Variants in HIBADH observed in about 807,000 individuals in gnomAD.
HIBADH encodes 3-hydroxyisobutyrate dehydrogenase, mitochondrial.
In HIBADH, 25 loss-of-function variants were observed where a neutral mutation model predicts 36.1. The ratio of observed to expected loss-of-function variants is 0.69; its 90% CI spans 0.50 to 0.97. The LOEUF (loss-of-function observed/expected upper bound fraction) is 0.97. Ranked by LOEUF, HIBADH falls within the 50% of genes least tolerant of loss-of-function variation. The pLI is 0.00. For missense variants in HIBADH, 421 were observed against 418.0 expected (o/e 1.01, Z -0.06); for synonymous variants, 160 against 149.5 (o/e 1.07, Z -0.51).
chr7:27,629,496 A>AGG lies in HIBADH; in HGVS notation c.363-5_363-4insCC. 2 of 1,550,142 alleles carry AGG rather than the reference A, an allele frequency of 1.3e-6. No individual in the cohort carries two copies. The highest frequency in any genetic ancestry group is 2.5e-5 in the South Asian group (2 of 79,090). ...TAATGAGCCCTTCTTCACTTTTCTAAGTAAATAAATAAAAATATTTGTAGT... is the reference window on the plus strand; with the variant it reads ...TAATGAGCCCTTCTTCACTTTTCTAAGGGTAAATAAATAAAAATATTTGTAGT... On this transcript the variant is annotated splice_region_variant and splice_polypyrimidine_tract_variant and intron_variant, in intron 3 of 7. Coordinates refer to ENST00000265395, the MANE Select transcript of HIBADH (RefSeq NM_152740.4).
intron 4 of HIBADH, among the ~76,000 whole-genome samples, chr7:27,613,664 T>G (rs1033538463): frequency 8.1e-4 from 54 of 66,374 alleles, no homozygotes; most frequent in Admixed American, 3.2e-3. Flanking sequence ...GGGTTTTTTT[T>G]GTTTTTTTTT....
chr7:27,573,114 G>A (rs975188100), intron 4 of HIBADH, among the ~76,000 whole-genome samples: 1 of 152,154 alleles, frequency 6.6e-6, no homozygotes, highest in Non-Finnish European at 1.5e-5. Context: ...GAAAAAAGTA[G>A]GGAATTTGTG....
chr7:27,531,818 T>C (rs1784007171), intron 6 of HIBADH, among the ~76,000 whole-genome samples: 1 of 152,190 alleles, frequency 6.6e-6, no homozygotes, highest in Admixed American at 6.6e-5. Context: ...TGCATTTATA[T>C]GTATGTTTAT....
intron 1 of HIBADH, among the ~76,000 whole-genome samples, chr7:27,658,847 T>C (rs565161678): frequency 3.3e-5 from 5 of 152,324 alleles, no homozygotes; most frequent in African/African-American, 1.2e-4. Flanking sequence ...TGCTTTACTA[T>C]TAACAGTTAC....
In HIBADH at chr7:27,527,677, A is replaced by G. The variant is rs116111039; in HGVS notation, c.853-1305T>C. ...TGTGCCCAGTTCATGCAGCTGTCAC[A>G]TTTTGGTAATTCTCACAATATTTCA... On this transcript the variant is annotated intron_variant, in intron 7 of 7. Coordinates refer to ENST00000265395, the MANE Select transcript of HIBADH (RefSeq NM_152740.4). Among the ~76,000 whole-genome samples, 369 of 152,026 alleles carry G rather than the reference A, an allele frequency of 2.4e-3. 1 individual carries two copies. The highest frequency in any genetic ancestry group is 5.9e-3 in the African/African-American group (244 of 41,466).
chr7:27,589,582 T>C (rs723700), intron 4 of HIBADH, among the ~76,000 whole-genome samples: 70,613 of 152,020 alleles, frequency 0.46, 17,533 homozygotes, highest in East Asian at 0.94. Context: ...GGCACAGAGA[T>C]ATTAAATAAC....
Position 27,526,294 on chromosome 7 carries a change from T to C in HIBADH, c.931A>G (p.Arg311Gly). ...LLGSLAHQIY[R>G]MMCAKGYSKK... ...GAGTAGCCCTTTGCACACATCATCCTGTAGATCTGATGGGCCAGACTGCCA... is the reference window on the plus strand; with the variant it reads ...GAGTAGCCCTTTGCACACATCATCCCGTAGATCTGATGGGCCAGACTGCCA... The change falls in exon 8 of 8, where the codon AGG (arginine) becomes GGG (glycine). Residue 311 changes from arginine (R) to glycine (G), a missense_variant. Transcript: ENST00000265395. 6.2e-7 allele frequency: 1 copy of C among 1,613,800 alleles called. No individual in the cohort carries two copies. The highest frequency in any genetic ancestry group is 8.5e-7 in the Non-Finnish European group (1 of 1,179,840).
intron 1 of HIBADH, among the ~76,000 whole-genome samples, chr7:27,652,999 T>C (rs1460358791): frequency 1.3e-5 from 2 of 152,062 alleles, no homozygotes; most frequent in African/African-American, 2.4e-5. Context: ...CATGGTGGCA[T>C]GTGCTTGTAA....
At chr7:27,560,224 C>T (rs1369805704) in intron 4 of HIBADH, among the ~76,000 whole-genome samples, 3 of 152,164 alleles carry the variant, frequency 2.0e-5, no homozygotes, top group African/African-American at 4.8e-5. Context: ...TAGGTTCAAG[C>T]GATTCTCCTG....
chr7:27,564,539 A>G (rs1387057109), intron 4 of HIBADH, among the ~76,000 whole-genome samples: 1 of 152,226 alleles, frequency 6.6e-6, no homozygotes, highest in Non-Finnish European at 1.5e-5. Flanking sequence ...TTTCACTAAT[A>G]CCACATTTTA....
chr7:27,662,095 T>C (rs560036607), intron 1 of HIBADH, among the ~76,000 whole-genome samples: 2 of 152,250 alleles, frequency 1.3e-5, no homozygotes, highest in South Asian at 2.1e-4. Flanking sequence ...GGTTCATAAT[T>C]TGACAAAAAT....
chr7:27,608,362 T>C (rs533023448), intron 4 of HIBADH, among the ~76,000 whole-genome samples: 9 of 152,268 alleles, frequency 5.9e-5, no homozygotes, highest in Non-Finnish European at 7.4e-5. Flanking sequence ...ACTATGAAAT[T>C]TGCATGTAAA....
intron 4 of HIBADH, among the ~76,000 whole-genome samples, chr7:27,543,848 A>G (rs1784195381): frequency 1.3e-5 from 2 of 149,282 alleles, no homozygotes; most frequent in Admixed American, 1.3e-4. Flanking sequence ...ATGCATGTTC[A>G]TTCATTCTAA....
intron 4 of HIBADH, among the ~76,000 whole-genome samples, chr7:27,558,999 A>T (rs1405202798): frequency 2.0e-5 from 3 of 152,180 alleles, no homozygotes; most frequent in Non-Finnish European, 2.9e-5. Context: ...CCTGGAGGCT[A>T]GAAGTCTCAG....
intron 4 of HIBADH, among the ~76,000 whole-genome samples, chr7:27,605,819 AC>A (rs1296237294): frequency 6.6e-6 from 1 of 152,132 alleles, no homozygotes; most frequent in Non-Finnish European, 1.5e-5. Flanking sequence ...TATATCTTTA[AC>A]AAAAAATAAT....
At chr7:27,574,907 T>C (rs978920861) in intron 4 of HIBADH, among the ~76,000 whole-genome samples, 2 of 152,188 alleles carry the variant, frequency 1.3e-5, no homozygotes, top group African/African-American at 4.8e-5. Context: ...GGAGATTTAA[T>C]AGAGAACTGT....
At chr7:27,531,040 G>C (rs186082630) in intron 7 of HIBADH, 152 bp downstream of exon 7, 11 of 743,608 alleles carry the variant, frequency 1.5e-5, no homozygotes, top group Middle Eastern at 8.0e-4. Context: ...TTTCATCTAA[G>C]TTAGGTTTTT....
intron 4 of HIBADH, among the ~76,000 whole-genome samples, chr7:27,622,695 C>G (rs1785567662): frequency 6.6e-6 from 1 of 152,166 alleles, no homozygotes. Context: ...TGAAAAATTT[C>G]TAGAAACATA....
chr7:27,554,170 G>A (rs1784359375), intron 4 of HIBADH, among the ~76,000 whole-genome samples: 1 of 152,140 alleles, frequency 6.6e-6, no homozygotes, highest in African/African-American at 2.4e-5. Flanking sequence ...ATTTTTAGTA[G>A]AGACAGGGTT....
Sources: allele counts gnomAD v4.1 joint callset (sites outside exome capture counted in the v4.1 genomes callset), GRCh38; gene constraint gnomAD v4.1.1; transcripts MANE v1.5; gene names NCBI Gene and HGNC (gene_info 2026-07-23, HGNC 2026-07-21).